PARN: variants seen among roughly 807,000 people sequenced by gnomAD.
PARN encodes poly(A)-specific ribonuclease.
In PARN, 71 loss-of-function variants were observed where a neutral mutation model predicts 102.8. The observed-to-expected ratio is 0.69, with a 90% CI of 0.57 to 0.84. The LOEUF (loss-of-function observed/expected upper bound fraction) is 0.84, where lower values mean the gene tolerates loss of function less well. Among genes scored for constraint, PARN ranks in the 40% least tolerant of loss-of-function variants. The probability of loss-of-function intolerance (pLI) is 0.00; values close to 1 mark genes in which losing one functional copy is unlikely to be tolerated. For missense variants in PARN, 782 were observed against 760.9 expected (o/e 1.03, Z -0.33); for synonymous variants, 261 against 252.9 (o/e 1.03, Z -0.30).
intron 22 of PARN, among the ~76,000 whole-genome samples, chr16:14,457,375 G>C (rs1961724986): frequency 6.6e-6 from 1 of 152,152 alleles, no homozygotes. Context: ...AATTCCATGA[G>C]CATGACTGTT....
intron 19 of PARN, among the ~76,000 whole-genome samples, chr16:14,555,191 G>A (rs976529303): frequency 1.3e-5 from 2 of 152,030 alleles, no homozygotes; most frequent in African/African-American, 4.8e-5. Flanking sequence ...AAAAAGCAGA[G>A]GAGAAGAAAA....
intron 21 of PARN, among the ~76,000 whole-genome samples, chr16:14,513,583 C>G (rs1189119101): frequency 2.6e-5 from 4 of 152,204 alleles, no homozygotes; most frequent in African/African-American, 9.6e-5. Flanking sequence ...TGCACATGGC[C>G]TACCTGTCTT....
intron 21 of PARN, among the ~76,000 whole-genome samples, chr16:14,496,457 T>G (rs552311820): frequency 6.6e-6 from 1 of 152,170 alleles, no homozygotes; most frequent in Non-Finnish European, 1.5e-5. Flanking sequence ...CTTCTTTTTT[T>G]AAAAGATGAA....
intron 12 of PARN, among the ~76,000 whole-genome samples, chr16:14,599,196 C>T (rs1011726855): frequency 1.3e-5 from 2 of 152,104 alleles, no homozygotes; most frequent in Non-Finnish European, 2.9e-5. Context: ...GCATATACCA[C>T]CACACCTGGC....
chr16:14,614,875 A>G (rs567531126), intron 6 of PARN, among the ~76,000 whole-genome samples: 2 of 148,348 alleles, frequency 1.3e-5, no homozygotes, highest in South Asian at 4.3e-4. Flanking sequence ...AAAAAAAAAA[A>G]AAAGAAAAGA....
intron 11 of PARN, among the ~76,000 whole-genome samples, chr16:14,600,768 T>TA (rs1491074946): frequency 6.6e-6 from 1 of 151,974 alleles, no homozygotes; most frequent in Non-Finnish European, 1.5e-5. Context: ...CTGTCTCTAC[T>TA]AAAAATAAAA....
intron 21 of PARN, 28 bp from the exon 22 acceptor site, chr16:14,482,855 T>C (rs1963459652): frequency 3.2e-6 from 5 of 1,555,152 alleles, no homozygotes; most frequent in East Asian, 2.3e-5. Flanking sequence ...AAAAATAAAA[T>C]GCTTACAAAA....
intron 12 of PARN, among the ~76,000 whole-genome samples, chr16:14,596,579 A>AT (rs937460739): frequency 3.3e-5 from 5 of 151,552 alleles, no homozygotes; most frequent in Admixed American, 6.6e-5. Flanking sequence ...CCACAAAAAA[A>AT]ATATATATAT....
At chr16:14,512,570 T>C (rs1003448860) in intron 21 of PARN, among the ~76,000 whole-genome samples, 1 of 152,144 alleles carries the variant, frequency 6.6e-6, no homozygotes. Flanking sequence ...GAATGGTGTG[T>C]CTATGAGGAG....
At chr16:14,482,933 G>T in intron 21 of PARN, 106 bp from the exon 22 acceptor site, 2 of 876,384 alleles carry the variant, frequency 2.3e-6, no homozygotes, top group Non-Finnish European at 3.4e-6. Flanking sequence ...GCCCCATCAG[G>T]CCTGAGGTCT....
chr16:14,630,216 G>T lies in PARN; in HGVS notation c.-91C>A. On this transcript the variant is annotated 5_prime_UTR_variant, in exon 1 of 24. Coordinates refer to ENST00000437198, the MANE Select transcript of PARN (RefSeq NM_002582.4). Reference sequence around the variant, plus strand: ...GAATTCCGCGGCGACTGCGGCAGTAGCTGAGGCAGCCGCAGCGGTGACGCC... The same window carrying T: ...GAATTCCGCGGCGACTGCGGCAGTATCTGAGGCAGCCGCAGCGGTGACGCC... The T allele has an allele frequency of 1.7e-6, 2 of 1,160,788 alleles. No homozygotes were observed. Among genetic ancestry groups the T allele is most frequent in the Non-Finnish European group, 2.5e-6 (2 of 808,572 alleles). The allele number at this position is 1,160,788 out of a possible 1,614,324, so 71.9% of individuals were successfully genotyped here.
chr16:14,626,839 G>A (rs1476404926), intron 5 of PARN, among the ~76,000 whole-genome samples: 15 of 151,654 alleles, frequency 9.9e-5, no homozygotes, highest in South Asian at 2.1e-4. Context: ...GGATGGTCTC[G>A]ATCTCCTGAC....
At chr16:14,554,612 A>T (rs979449059) in intron 19 of PARN, among the ~76,000 whole-genome samples, 3 of 150,892 alleles carry the variant, frequency 2.0e-5, no homozygotes, top group South Asian at 2.1e-4. Flanking sequence ...TTTATTTTTT[A>T]ATTTTATTTT....
intron 21 of PARN, among the ~76,000 whole-genome samples, chr16:14,524,117 A>G (rs566975022): frequency 6.6e-6 from 1 of 152,344 alleles, no homozygotes; most frequent in Non-Finnish European, 1.5e-5. Context: ...ATTATGTAGC[A>G]TATGACTGTA....
At chr16:14,617,382 C>CAA (rs66483121) in intron 6 of PARN, among the ~76,000 whole-genome samples, 14 of 91,820 alleles carry the variant, frequency 1.5e-4, no homozygotes, top group Admixed American at 3.7e-4. Context: ...AGACTCTTCT[C>CAA]AAAAAAAAAA....
At position 14,584,392 on chromosome 16, in the gene PARN, A is replaced by C. The variant is rs779193378; in HGVS notation, c.1036T>G (p.Leu346Val). 1.2e-6 allele frequency: 2 copies of C among 1,613,394 alleles called. No homozygotes were observed. The highest frequency in any genetic ancestry group is 1.7e-6 in the Non-Finnish European group (2 of 1,179,578). ...DIINNTSLAE[L>V]EKRLKETPFN... is the part of the protein sequence containing the mutation. ...GGTGTCTCTTTTAACCGCTTTTCCA[A>C]TTCCGCAAGGGATGTGTTGTTAATG... is the stretch of plus-strand genomic sequence containing the variant. The change falls in exon 16 of 24, where the codon TTG becomes GTG. Residue 346 changes from leucine to valine, a missense_variant. Physicochemically the swap from Leu to Val is conservative, Grantham distance 32. Transcript: ENST00000437198.
intron 21 of PARN, among the ~76,000 whole-genome samples, chr16:14,496,503 ACTT>A (rs1287624214): frequency 6.6e-6 from 1 of 152,240 alleles, no homozygotes; most frequent in Non-Finnish European, 1.5e-5. Context: ...GCAATTCCAT[ACTT>A]AACAGTCTTG....
At chr16:14,598,092 C>A (rs536662547) in intron 12 of PARN, among the ~76,000 whole-genome samples, 33 of 152,156 alleles carry the variant, frequency 2.2e-4, no homozygotes, top group African/African-American at 8.0e-4. Context: ...TGTGGTGAGC[C>A]AGGATTGCGC....
intron 10 of PARN, 63 bp from the exon 11 acceptor site, chr16:14,604,289 T>A: frequency 9.5e-7 from 1 of 1,051,686 alleles, no homozygotes; most frequent in Non-Finnish European, 1.4e-6. Flanking sequence ...AGACAGAGTT[T>A]CGCTCTTGTT....
Sources: gnomAD v4.1 joint callset for allele counts (sites outside exome capture counted in the v4.1 genomes callset) on GRCh38, gnomAD v4.1.1 for gene constraint, MANE v1.5 for transcripts, NCBI Gene and HGNC (gene_info 2026-07-23, HGNC 2026-07-21) for gene names.